The following LCOR variants were observed in gnomAD, a reference collection of about 807,000 sequenced individuals.
The protein encoded by LCOR is ligand dependent nuclear receptor corepressor.
A neutral mutation model predicts 64.4 loss-of-function variants in LCOR; 14 were observed. That is an observed-to-expected ratio of 0.22 (90% CI 0.14 to 0.34). The LOEUF is 0.34. LCOR is among the 10% of genes least tolerant of loss of function. The pLI is 1.00. For synonymous variants in LCOR, 643 were observed against 642.5 expected, an observed-to-expected ratio of 1.00 and a Z score of -0.01; for missense variants, 1,686 against 1,765.3, an observed-to-expected ratio of 0.96 and a Z score of 0.80.
At chr10:96,859,917 C>A (rs1845861084) in intron 2 of LCOR, among the ~76,000 whole-genome samples, 1 of 152,084 alleles carries the variant, frequency 6.6e-6, no homozygotes, top group Non-Finnish European at 1.5e-5. Flanking sequence ...ATTGGCCAGG[C>A]CTGGGTCATG....
At chr10:96,958,335 G>A in intron 7 of LCOR, 1 of 1,531,250 alleles carries the variant, frequency 6.5e-7, no homozygotes, top group Non-Finnish European at 8.8e-7. Context: ...TATGAGTTGA[G>A]TTATGTAAAT....
chr10:96,848,303 C>G (rs994673678), intron 2 of LCOR, among the ~76,000 whole-genome samples: 1 of 152,198 alleles, frequency 6.6e-6, no homozygotes, highest in Non-Finnish European at 1.5e-5. Context: ...TAAGCAATGA[C>G]ATAGTGATAA....
chr10:96,938,753 A>G (rs1259567022), intron 4 of LCOR, among the ~76,000 whole-genome samples: 1 of 152,248 alleles, frequency 6.6e-6, no homozygotes, highest in African/African-American at 2.4e-5. Context: ...CAATATGAAC[A>G]TGAAAGTTTG....
chr10:96,915,573 T>C (rs1248760253), intron 4 of LCOR: 7 of 683,894 alleles, frequency 1.0e-5, no homozygotes, highest in Non-Finnish European at 1.8e-5. Flanking sequence ...TGGTAAAAAA[T>C]AGAATTTCAA....
chr10:96,898,629 C>G (rs889401659), intron 2 of LCOR, among the ~76,000 whole-genome samples: 2 of 152,070 alleles, frequency 1.3e-5, no homozygotes, highest in African/African-American at 4.8e-5. Flanking sequence ...AGAGCCTGGG[C>G]TTTAGAATCA....
Position 96,989,695 on chromosome 10 carries a change from A to ATATATATATATATATT in LCOR, c.*4562_*4563insATATATATATATATTT, listed in dbSNP as rs1371771053. On this transcript the variant is annotated 3_prime_UTR_variant, in exon 8 of 8. Coordinates refer to ENST00000421806, the MANE Select transcript of LCOR (RefSeq NM_001346516.2). ...TAAGGATATATATATATATATATAT[A>ATATATATATATATATT]TTTTTTTTTTTTTTTTTTTTTTTTA... 6 of 86,160 alleles carry ATATATATATATATATT rather than the reference A, an allele frequency of 7.0e-5. No individual in the cohort carries two copies. The highest frequency in any genetic ancestry group is 3.8e-4 in the East Asian group (1 of 2,600). The allele number at this position is 86,160 out of a possible 1,614,324, so 5.3% of individuals were successfully genotyped here. A position where few individuals can be genotyped will look rare whatever the true frequency, so the allele number is the denominator to read the frequency against.
At position 96,983,991 on chromosome 10, in the gene LCOR, C is replaced by A. The variant is rs1485564835; in HGVS notation, c.3531C>A (p.Asn1177Lys). Residue 1177 changes from asparagine to lysine, a missense_variant, in exon 8 of 8, where the codon AAC becomes AAA. By Grantham distance (94) the Asn-to-Lys change is moderately conservative (BLOSUM62 0). Transcript: ENST00000421806. This position sits in a 1 kb window ranked among gnomAD's most constrained non-coding sequence, Gnocchi z 4.5. ...CSPVQMLFMT[N>K]FKLSNVCKWF... ...CTGTTCAGATGCTCTTTATGACAAA[C>A]TTTAAATTATCTAATGTTTGTAAAT... 1 of 1,614,146 alleles carries A rather than the reference C, an allele frequency of 6.2e-7. No individual in the cohort carries two copies. Among genetic ancestry groups the A allele is most frequent in the South Asian group, 1.1e-5 (1 of 91,074 alleles).
intron 2 of LCOR, among the ~76,000 whole-genome samples, chr10:96,833,867 G>A (rs1229720497): frequency 1.3e-5 from 2 of 152,148 alleles, no homozygotes; most frequent in Admixed American, 1.3e-4. Context: ...TGTTGTGCGA[G>A]GGGGAGAACA....
At chr10:96,902,383 AG>A (rs1439961876) in intron 2 of LCOR, among the ~76,000 whole-genome samples, 1 of 152,170 alleles carries the variant, frequency 6.6e-6, no homozygotes, top group African/African-American at 2.4e-5. Context: ...TGTGCTCAGG[AG>A]GAGAGGAAGA....
intron 2 of LCOR, among the ~76,000 whole-genome samples, chr10:96,842,585 T>C (rs77179944): frequency 0.01 from 1,528 of 152,210 alleles, 22 homozygotes; most frequent in African/African-American, 0.032. Flanking sequence ...GAATGATCAG[T>C]TGATACAAAA....
chr10:96,914,023 A>G (rs1846893340), intron 4 of LCOR, among the ~76,000 whole-genome samples: 2 of 152,326 alleles, frequency 1.3e-5, no homozygotes, highest in East Asian at 3.9e-4. Flanking sequence ...GGAAGTAACC[A>G]GTGATATGGT....
chr10:96,852,432 A>G (rs1008708691), intron 2 of LCOR, among the ~76,000 whole-genome samples: 1 of 152,168 alleles, frequency 6.6e-6, no homozygotes, highest in African/African-American at 2.4e-5. Flanking sequence ...AAAAACAACA[A>G]CAAAAACCGA....
rs559919779 is a variant in LCOR at position 96,895,715 on chromosome 10, C to T, written c.-329-11550C>T. The stretch of plus-strand genomic sequence containing the variant: ...TGCTAATTCTCAATATACCGTACTT[C>T]ATACCTTAACTACCTCAGTGCTGTT... On this transcript the variant is annotated intron_variant, in intron 2 of 7. Transcript: ENST00000421806. Among the ~76,000 whole-genome samples the T allele has an allele frequency of 2.6e-5, 4 of 152,322 alleles. No individual in the cohort carries two copies. In the East Asian group the frequency reaches 5.8e-4, roughly 22 times the overall value.
intron 2 of LCOR, among the ~76,000 whole-genome samples, chr10:96,902,772 G>C (rs1846661926): frequency 6.6e-6 from 1 of 152,162 alleles, no homozygotes; most frequent in Non-Finnish European, 1.5e-5. Context: ...GACACTAATT[G>C]ATTATTATTG....
intron 7 of LCOR, among the ~76,000 whole-genome samples, chr10:96,976,012 A>G (rs1848037430): frequency 6.6e-6 from 1 of 152,052 alleles, no homozygotes; most frequent in African/African-American, 2.4e-5. Context: ...CGAAACACAC[A>G]AGACCCCGTG....
At position 96,984,637 on chromosome 10, in the gene LCOR, G is replaced by A; in HGVS notation, c.4177G>A (p.Ala1393Thr). 1 of 1,614,214 alleles carries A rather than the reference G, an allele frequency of 6.2e-7. No individual in the cohort carries two copies. Among genetic ancestry groups the A allele is most frequent in the Non-Finnish European group, 8.5e-7 (1 of 1,180,046 alleles). ...GKQVSEILPK[A>T]EVQSKRKRTE... ...GCAGGTGTCTGAAATCTTGCCTAAA[G>A]CAGAAGTTCAGAGTAAACGCAAGAG... Residue 1393 changes from alanine (A) to threonine (T), a missense_variant, in exon 8 of 8, where the codon GCA becomes ACA. Ala to Thr is a moderately conservative substitution (Grantham distance 58). Transcript: ENST00000421806.
intron 7 of LCOR, among the ~76,000 whole-genome samples, chr10:96,975,908 G>T (rs1848036102): frequency 6.6e-6 from 1 of 152,066 alleles, no homozygotes; most frequent in African/African-American, 2.4e-5. Context: ...CCAGCTACTT[G>T]GGAGGCTGAG....
intron 7 of LCOR, chr10:96,955,909 C>A (rs1167611407): frequency 1.1e-5 from 18 of 1,605,758 alleles, no homozygotes; most frequent in Admixed American, 1.0e-4. Context: ...GCAAATGAAT[C>A]AAAAAACGAG....
chr10:96,879,952 C>T (rs1422513671), intron 2 of LCOR, among the ~76,000 whole-genome samples: 2 of 152,144 alleles, frequency 1.3e-5, no homozygotes, highest in Non-Finnish European at 2.9e-5. Context: ...TGTGAGCCAC[C>T]GTGCCCGGCC....
Sources: gnomAD v4.1 joint callset for allele counts (sites outside exome capture counted in the v4.1 genomes callset) on GRCh38, gnomAD v4.1.1 for gene constraint, Gnocchi (gnomAD v3.1) non-coding constraint, MANE v1.5 for transcripts, NCBI Gene and HGNC (gene_info 2026-07-23, HGNC 2026-07-21) for gene names.